Variants in MACROH2A1 observed in about 807,000 individuals in gnomAD.
The protein encoded by MACROH2A1 is macroH2A.1 histone.
Under a neutral mutation model 31.6 loss-of-function variants are expected in MACROH2A1, and 2 were observed. The ratio of observed to expected loss-of-function variants is 0.06; its 90% CI spans 0.03 to 0.20. The LOEUF (loss-of-function observed/expected upper bound fraction) is 0.20, where lower values mean the gene tolerates loss of function less well. MACROH2A1 is among the 10% of genes least tolerant of loss of function. MACROH2A1 has a pLI of 1.00. For synonymous variants in MACROH2A1, 169 were observed against 189.6 expected, an observed-to-expected ratio of 0.89 and a Z score of 0.89; for missense variants, 230 against 474.0, an observed-to-expected ratio of 0.49 and a Z score of 4.78.
At chr5:135,387,315 A>T (rs1293901009) in intron 2 of MACROH2A1, among the ~76,000 whole-genome samples, 1 of 152,222 alleles carries the variant, frequency 6.6e-6, no homozygotes, top group Non-Finnish European at 1.5e-5. Flanking sequence ...CAAAATATGT[A>T]CAAATACTTA....
intron 6 of MACROH2A1, chr5:135,351,054 T>C: frequency 1.7e-6 from 1 of 581,544 alleles, no homozygotes; most frequent in East Asian, 2.8e-5. Context: ...GTCCACGCAG[T>C]GTGCGCACAT....
intron 4 of MACROH2A1, chr5:135,361,000 A>G (rs1762777096): frequency 2.9e-6 from 1 of 340,234 alleles, no homozygotes; most frequent in Admixed American, 4.2e-5. Context: ...GTTCTAGGTC[A>G]CTAATTCTCA....
chr5:135,343,763 C>G (rs17168168), intron 7 of MACROH2A1: 2 of 321,474 alleles, frequency 6.2e-6, no homozygotes, highest in Non-Finnish European at 1.2e-5. Context: ...GCAAACTCAA[C>G]GTGTCAGAAC....
rs1768332521 is a variant in MACROH2A1 at position 135,398,436 on chromosome 5, G to A, written c.-34+626C>T. 1.3e-5 allele frequency among the ~76,000 whole-genome samples: 2 copies of A among 152,022 alleles called. No homozygotes were observed. The highest frequency in any genetic ancestry group is 6.5e-5 in the Admixed American group (1 of 15,268). On this transcript the variant is annotated intron_variant, in intron 1 of 8. Transcript: ENST00000511689. This position sits in a 1 kb window ranked among gnomAD's most constrained non-coding sequence, Gnocchi z 4.6. ...ACAATCGGGAGCAGCGGGGGTTCCC[G>A]TGGCCCCTCTCCAGCCCATCCTTGG...
In MACROH2A1 at chr5:135,334,893, C is replaced by T; in HGVS notation, c.*83G>A. 8.5e-7 allele frequency: 1 copy of T among 1,181,344 alleles called. No individual in the cohort carries two copies. The highest frequency in any genetic ancestry group is 2.4e-5 in the East Asian group (1 of 42,268). The allele number at this position is 1,181,344 out of a possible 1,614,324, so 73.2% of individuals were successfully genotyped here. A position where few individuals can be genotyped will look rare whatever the true frequency, so the allele number is the denominator to read the frequency against. On this transcript the variant is annotated 3_prime_UTR_variant, in exon 9 of 9. Coordinates refer to ENST00000511689, the MANE Select transcript of MACROH2A1 (RefSeq NM_138610.3). ...ACTGAAAATGAAAGGGGTCCCACCT[C>T]CCAGTAGGAGTGAAGGGGATTTTTT... is the stretch of plus-strand genomic sequence containing the variant.
intron 4 of MACROH2A1, among the ~76,000 whole-genome samples, chr5:135,367,266 C>T (rs1048699147): frequency 5.3e-5 from 8 of 152,180 alleles, no homozygotes; most frequent in Non-Finnish European, 7.3e-5. Flanking sequence ...GTTCACGGTT[C>T]CAATTTCAGC....
rs1253830124 is a variant in MACROH2A1, at chr5:135,398,733, G to T, written c.-34+329C>A. ...GGCCTCGGGCCTGGCCCGTGAGCCC[G>T]CCCCAGGAAGGGTCGCCAGGGTAGG... On this transcript the variant is annotated intron_variant, in intron 1 of 8. Transcript: ENST00000511689. The surrounding 1 kb of genome is among the most constrained non-coding windows in gnomAD (Gnocchi z 4.6). 2.0e-5 allele frequency among the ~76,000 whole-genome samples: 3 copies of T among 152,198 alleles called. No homozygotes were observed. Among genetic ancestry groups the T allele is most frequent in the Non-Finnish European group, 4.4e-5 (3 of 68,032 alleles).
chr5:135,392,165 G>C (rs1463950129), intron 1 of MACROH2A1, among the ~76,000 whole-genome samples: 1 of 152,184 alleles, frequency 6.6e-6, no homozygotes, highest in Non-Finnish European at 1.5e-5. Flanking sequence ...TGGAGGCTTT[G>C]TGGACATGAC....
chr5:135,351,962 A>G (rs1761639245), intron 6 of MACROH2A1, among the ~76,000 whole-genome samples: 1 of 151,900 alleles, frequency 6.6e-6, no homozygotes, highest in Admixed American at 6.6e-5. Context: ...GTTGGAAAAC[A>G]AGTTCAAGCT....
intron 2 of MACROH2A1, among the ~76,000 whole-genome samples, chr5:135,383,717 G>A (rs911935902): frequency 2.0e-5 from 3 of 148,974 alleles, no homozygotes; most frequent in Non-Finnish European, 4.5e-5. Flanking sequence ...GTGTGTGTGT[G>A]TGTGTGTGTG....
chr5:135,369,689 GC>G lies in MACROH2A1; in HGVS notation c.280-87del. On this transcript the variant is annotated intron_variant, in intron 3 of 8. Coordinates refer to ENST00000511689, the MANE Select transcript of MACROH2A1 (RefSeq NM_138610.3). The surrounding 1 kb of genome is among the most constrained non-coding windows in gnomAD (Gnocchi z 4.3). ...AGCCAGCCCTGCCCAGGACAGTCTTGCTTTGGGTTGGTGCAGCTCCTTCCTC... is the reference window on the plus strand; with the variant it reads ...AGCCAGCCCTGCCCAGGACAGTCTTGTTTGGGTTGGTGCAGCTCCTTCCTC... 9.0e-7 allele frequency: 1 copy of G among 1,114,948 alleles called. No homozygotes were observed. Among genetic ancestry groups the G allele is most frequent in the Non-Finnish European group, 1.3e-6 (1 of 744,016 alleles). The allele number at this position is 1,114,948 out of a possible 1,614,324, so 69.1% of individuals were successfully genotyped here.
intron 5 of MACROH2A1, chr5:135,359,002 T>C (rs1466848135): frequency 2.0e-6 from 2 of 985,168 alleles, no homozygotes; most frequent in Non-Finnish European, 2.4e-6. Flanking sequence ...CCCATTTCTT[T>C]CAGAAGATCA....
rs916623267 is a variant in MACROH2A1, at chr5:135,351,062, C to T, written c.688+1884G>A. 3 of 576,626 alleles carry T rather than the reference C, an allele frequency of 5.2e-6. No individual in the cohort carries two copies. The African/African-American group carries it at 5.5e-5, about 11-fold the overall frequency. 35.7% of individuals were successfully genotyped at this position (576,626 alleles called of 1,614,324 possible). On this transcript the variant is annotated intron_variant, in intron 6 of 8. Transcript: ENST00000511689. ...GCAATCAGTCCACGCAGTGTGCGCACATGTGGATGGGGGTGAGGACAGGAG... is the reference window on the plus strand; with the variant it reads ...GCAATCAGTCCACGCAGTGTGCGCATATGTGGATGGGGGTGAGGACAGGAG...
At chr5:135,343,098 C>T in intron 8 of MACROH2A1, 162 bp downstream of exon 8, 1 of 1,508,038 alleles carries the variant, frequency 6.6e-7, no homozygotes, top group Non-Finnish European at 8.9e-7. Context: ...TTGTCCCTCA[C>T]CATCATTTAA....
At chr5:135,349,877 A>G (rs923698067) in intron 6 of MACROH2A1, among the ~76,000 whole-genome samples, 2 of 152,228 alleles carry the variant, frequency 1.3e-5, no homozygotes, top group African/African-American at 4.8e-5. Flanking sequence ...TCCCATCATT[A>G]CCATTACTTA....
chr5:135,380,853 C>T (rs1211554441), intron 2 of MACROH2A1, among the ~76,000 whole-genome samples: 2 of 152,168 alleles, frequency 1.3e-5, no homozygotes, highest in East Asian at 3.8e-4. Context: ...CATGGATTAT[C>T]TCCTGGGAAG....
At chr5:135,377,837 C>T (rs1290688013) in intron 2 of MACROH2A1, among the ~76,000 whole-genome samples, 32 of 152,212 alleles carry the variant, frequency 2.1e-4, no homozygotes, top group Admixed American at 6.5e-5. Context: ...TCTGTCCCAG[C>T]CTGCTTAATC....
chr5:135,342,970 A>C (rs913777602), intron 8 of MACROH2A1, among the ~76,000 whole-genome samples: 11 of 151,974 alleles, frequency 7.2e-5, no homozygotes, highest in Middle Eastern at 3.2e-3. Context: ...GCCCCTCAAA[A>C]CTTACTCTCT....
chr5:135,352,462 G>C (rs573722298), intron 6 of MACROH2A1, among the ~76,000 whole-genome samples: 81 of 152,224 alleles, frequency 5.3e-4, no homozygotes, highest in Non-Finnish European at 1.1e-3. Context: ...CAGTTCTAAA[G>C]AAAAGTTGAA....
Sources: gnomAD v4.1 joint callset for allele counts (sites outside exome capture counted in the v4.1 genomes callset) on GRCh38, gnomAD v4.1.1 for gene constraint, Gnocchi (gnomAD v3.1) non-coding constraint, MANE v1.5 for transcripts, NCBI Gene and HGNC (gene_info 2026-07-23, HGNC 2026-07-21) for gene names.